DVL3: variants seen among roughly 807,000 people sequenced by gnomAD.
The protein encoded by DVL3 is segment polarity protein dishevelled homolog DVL-3.
Under a neutral mutation model 67.4 loss-of-function variants are expected in DVL3, and 27 were observed. The ratio of observed to expected loss-of-function variants is 0.40; its 90% CI spans 0.30 to 0.55. The LOEUF (loss-of-function observed/expected upper bound fraction) is 0.55. Among genes scored for constraint, DVL3 ranks in the 20% least tolerant of loss-of-function variants. The pLI, the probability that DVL3 is intolerant of heterozygous loss-of-function variation, is 0.46. For synonymous variants in DVL3, 369 were observed against 396.8 expected (o/e 0.93, Z 0.83); for missense variants, 819 against 1,021.5 (o/e 0.80, Z 2.70).
Position 184,166,334 on chromosome 3 carries a change from C to T in DVL3, c.903+69C>T. 1 of 1,606,578 alleles carries T rather than the reference C, an allele frequency of 6.2e-7. No homozygotes were observed. Among genetic ancestry groups the T allele is most frequent in the Non-Finnish European group, 8.5e-7 (1 of 1,175,162 alleles). On this transcript the variant is annotated intron_variant, in intron 8 of 14. Transcript: ENST00000313143. The surrounding 1 kb of genome is among the most constrained non-coding windows in gnomAD (Gnocchi z 6.7). ...GAGGTGTCCTACCATCTGTACCCTG[C>T]TCCTTCAGAGGCCCCTTCTTGGTTG...
At chr3:184,160,241 G>A (rs1164007003) in intron 1 of DVL3, among the ~76,000 whole-genome samples, 3 of 151,830 alleles carry the variant, frequency 2.0e-5, no homozygotes, top group African/African-American at 4.8e-5. Flanking sequence ...CTGAGCCACC[G>A]TGCCCTGCCA....
Position 184,170,187 on chromosome 3 carries a change from C to T in DVL3, c.1680C>T (p.Tyr560=), listed in dbSNP as rs746879137. 23 of 1,611,594 alleles carry T rather than the reference C, an allele frequency of 1.4e-5. No homozygotes were observed. The East Asian group carries it at 4.0e-4, about 28-fold the overall frequency. Reference sequence around the variant, plus strand: ...GCTTCCCGGAGCTGGGCTACAGCTACGGCGGGGGCAGCGCCAGCAGTCAGC... The same window carrying T: ...GCTTCCCGGAGCTGGGCTACAGCTATGGCGGGGGCAGCGCCAGCAGTCAGC... ...HPGFPELGYS[Y]GGGSASSQHS... The change falls in exon 14 of 15, where the codon TAC becomes TAT. Residue 560 remains tyrosine (Y), a synonymous_variant. Transcript: ENST00000313143. This position sits in a 1 kb window ranked among gnomAD's most constrained non-coding sequence, Gnocchi z 6.5.
At position 184,164,742 on chromosome 3, in the gene DVL3, C is replaced by T; in HGVS notation, c.464-54C>T. 1 of 1,611,972 alleles carries T rather than the reference C, an allele frequency of 6.2e-7. No individual in the cohort carries two copies. The highest frequency in any genetic ancestry group is 8.5e-7 in the Non-Finnish European group (1 of 1,178,544). ...CAGCCCCTGGCTTGCCTCTCTCCCT[C>T]CTTCACCCCTGCACTGGGCACTGTG... On this transcript the variant is annotated intron_variant, in intron 4 of 14. Transcript: ENST00000313143. This position sits in a 1 kb window ranked among gnomAD's most constrained non-coding sequence, Gnocchi z 5.3.
chr3:184,158,334 G>GAA (rs58854843), intron 1 of DVL3, among the ~76,000 whole-genome samples: 118 of 118,106 alleles, frequency 1.0e-3, no homozygotes, highest in Middle Eastern at 4.3e-3. Flanking sequence ...CCGTGTTTCA[G>GAA]AAAAAAAAAA....
chr3:184,158,931 A>G (rs1336387625), intron 1 of DVL3, among the ~76,000 whole-genome samples: 1 of 151,764 alleles, frequency 6.6e-6, no homozygotes, highest in East Asian at 1.9e-4. Context: ...ATGAGCCACC[A>G]TGCCTGGCTA....
chr3:184,157,209 A>T (rs1046330623), intron 1 of DVL3: 1 of 152,424 alleles, frequency 6.6e-6, no homozygotes, highest in Non-Finnish European at 1.5e-5. Flanking sequence ...GACACCTCTA[A>T]TTGGAAGATT....
In DVL3 at chr3:184,165,360, A is replaced by C; in HGVS notation, c.694-62A>C. ...GCACCGGGGACTCACCTTGAGGAGG[A>C]GTCAGGTGGGAGTGAATTCCTGCCA... is the stretch of plus-strand genomic sequence containing the variant. On this transcript the variant is annotated intron_variant, in intron 6 of 14. Coordinates refer to ENST00000313143, the MANE Select transcript of DVL3 (RefSeq NM_004423.4). The surrounding 1 kb of genome is among the most constrained non-coding windows in gnomAD (Gnocchi z 4.1). 1.3e-6 allele frequency: 2 copies of C among 1,571,134 alleles called. No homozygotes were observed. Among genetic ancestry groups the C allele is most frequent in the South Asian group, 2.2e-5 (2 of 89,638 alleles).
In DVL3 at chr3:184,170,756, G is replaced by T; in HGVS notation, c.*1G>T. Reference sequence around the variant, plus strand: ...TGAGTTCTTTGTGGATGTGATGTGAGCAGGGCCCCTCCCCCAGCTCCATTC... The same window carrying T: ...TGAGTTCTTTGTGGATGTGATGTGATCAGGGCCCCTCCCCCAGCTCCATTC... On this transcript the variant is annotated 3_prime_UTR_variant, in exon 15 of 15. Coordinates refer to ENST00000313143, the MANE Select transcript of DVL3 (RefSeq NM_004423.4). The surrounding 1 kb of genome is among the most constrained non-coding windows in gnomAD (Gnocchi z 6.5). 6.2e-7 allele frequency: 1 copy of T among 1,613,026 alleles called. No individual in the cohort carries two copies. Among genetic ancestry groups the T allele is most frequent in the Non-Finnish European group, 8.5e-7 (1 of 1,179,864 alleles).
chr3:184,156,408 A>C, intron 1 of DVL3: 1 of 456,722 alleles, frequency 2.2e-6, no homozygotes, highest in Non-Finnish European at 4.4e-6. Context: ...TCACCGGAAC[A>C]GAGAGCCTGA....
At chr3:184,156,433 T>C (rs1714192302) in intron 1 of DVL3, 1 of 456,688 alleles carries the variant, frequency 2.2e-6, no homozygotes, top group Non-Finnish European at 4.4e-6. Context: ...TGCGGAGTAG[T>C]CCTCACTGAC....
rs1577049285 is a variant in DVL3, at chr3:184,165,595, C to A, written c.763+104C>A. On this transcript the variant is annotated intron_variant, in intron 7 of 14. Coordinates refer to ENST00000313143, the MANE Select transcript of DVL3 (RefSeq NM_004423.4). The surrounding 1 kb of genome is among the most constrained non-coding windows in gnomAD (Gnocchi z 4.1). ...ATATGTTCCCTGCCCTCAAGGAGCT[C>A]TCTTTCGTAAACATCAGCTGATACA... is the stretch of plus-strand genomic sequence containing the variant. The A allele has an allele frequency of 1.0e-6, 1 of 1,000,708 alleles. No homozygotes were observed. The highest frequency in any genetic ancestry group is 2.0e-4 in the Middle Eastern group (1 of 4,942). The allele number at this position is 1,000,708 out of a possible 1,614,324, so 62.0% of individuals were successfully genotyped here.
chr3:184,171,683 C>A lies in DVL3; in HGVS notation c.*928C>A. The A allele has an allele frequency of 3.8e-6, 3 of 781,298 alleles. No individual in the cohort carries two copies. The highest frequency in any genetic ancestry group is 4.7e-6 in the Non-Finnish European group (3 of 642,978). The allele number at this position is 781,298 out of a possible 1,614,324, so 48.4% of individuals were successfully genotyped here. On this transcript the variant is annotated 3_prime_UTR_variant, in exon 15 of 15. Transcript: ENST00000313143. The stretch of plus-strand genomic sequence containing the variant: ...CTCAGGGCTTCCCAAGGATGTCCAG[C>A]CCCCACACCCACACGTTAACATAAT...
At position 184,166,371 on chromosome 3, in the gene DVL3, C is replaced by T. The variant is rs1714589906; in HGVS notation, c.904-75C>T. On this transcript the variant is annotated intron_variant, in intron 8 of 14. Coordinates refer to ENST00000313143, the MANE Select transcript of DVL3 (RefSeq NM_004423.4). This position sits in a 1 kb window ranked among gnomAD's most constrained non-coding sequence, Gnocchi z 6.7. Reference sequence around the variant, plus strand: ...CCCCTTCTTGGTTGGGGGAAGACTCCCTGACCTACCAAGTTGAGTTCCCTT... The same window carrying T: ...CCCCTTCTTGGTTGGGGGAAGACTCTCTGACCTACCAAGTTGAGTTCCCTT... 6.2e-7 allele frequency: 1 copy of T among 1,609,932 alleles called. No individual in the cohort carries two copies. The highest frequency in any genetic ancestry group is 1.3e-5 in the African/African-American group (1 of 74,966).
intron 1 of DVL3, among the ~76,000 whole-genome samples, chr3:184,162,138 C>T (rs1484013331): frequency 1.3e-5 from 2 of 151,392 alleles, no homozygotes; most frequent in African/African-American, 4.9e-5. Flanking sequence ...TAGCATAGTG[C>T]TTGGCCCATA....
chr3:184,170,015 A>G lies in DVL3; in HGVS notation c.1508A>G (p.Asn503Ser), dbSNP rs774295285. Residue 503 changes from asparagine to serine, a missense_variant, in exon 14 of 15, where the codon AAC becomes AGC. Asn to Ser is a conservative substitution (Grantham distance 46). Around this residue, in one of 3 missense-constraint regions of DVL3, gnomAD observed 324 missense variants for 331.3 expected, o/e 0.98. Coordinates refer to ENST00000313143, the MANE Select transcript of DVL3 (RefSeq NM_004423.4). The surrounding 1 kb of genome is among the most constrained non-coding windows in gnomAD (Gnocchi z 6.5). The stretch of plus-strand genomic sequence containing the variant: ...GCCCTCCCCTTCACAGACATGGCCA[A>G]CCTGTCTCTCCACGATCACGATGGC... ...IFGDLCGNMA[N>S]LSLHDHDGSS... 6.8e-6 allele frequency: 11 copies of G among 1,606,020 alleles called. No individual in the cohort carries two copies. Among genetic ancestry groups the G allele is most frequent in the South Asian group, 5.5e-5 (5 of 90,442 alleles).
intron 1 of DVL3, among the ~76,000 whole-genome samples, chr3:184,159,390 G>GTTTTTTTTT: frequency 1.1e-5 from 1 of 93,668 alleles, no homozygotes; most frequent in Non-Finnish European, 2.3e-5. Context: ...TTGAGATGGA[G>GTTTTTTTTT]CCTGGCTTTG....
Position 184,170,316 on chromosome 3 carries a change from C to T in DVL3, c.1715-3C>T. The T allele has an allele frequency of 3.1e-6, 5 of 1,598,650 alleles. No homozygotes were observed. In the South Asian group the frequency reaches 5.6e-5, roughly 18 times the overall value. On this transcript the variant is annotated splice_polypyrimidine_tract_variant and splice_region_variant and intron_variant, in intron 14 of 14. Coordinates refer to ENST00000313143, the MANE Select transcript of DVL3 (RefSeq NM_004423.4). This position sits in a 1 kb window ranked among gnomAD's most constrained non-coding sequence, Gnocchi z 6.5. Reference sequence around the variant, plus strand: ...CCACCCCGGCCCTGTTTGCCTCCTACAGGCAGTCGGAGCAGTGGCTCCAAC... The same window carrying T: ...CCACCCCGGCCCTGTTTGCCTCCTATAGGCAGTCGGAGCAGTGGCTCCAAC...
rs756254669 is a variant in DVL3, at chr3:184,168,028, C to T, written c.1461C>T (p.Ser487=). 2.4e-5 allele frequency: 39 copies of T among 1,614,148 alleles called. No homozygotes were observed. Among genetic ancestry groups the T allele is most frequent in the South Asian group, 2.4e-4 (22 of 91,096 alleles). The change falls in exon 13 of 15, where the codon TCC becomes TCT. Residue 487 remains serine (S), a synonymous_variant. Transcript: ENST00000313143. The stretch of plus-strand genomic sequence containing the variant: ...ATACCGTCAACAAGATCACCTTCTC[C>T]GAGCAGTGCTACTACATCTTCGGTG... ...IRHTVNKITF[S]EQCYYIFGDL... is the part of the protein sequence containing the mutation.
chr3:184,156,587 C>CTT, intron 1 of DVL3: 1 of 407,818 alleles, frequency 2.5e-6, no homozygotes, highest in Non-Finnish European at 4.9e-6. Flanking sequence ...CTGGTGGGGT[C>CTT]TTCCCTTCCA....
Sources: allele counts gnomAD v4.1 joint callset (sites outside exome capture counted in the v4.1 genomes callset), GRCh38; gene constraint gnomAD v4.1.1; regional missense constraint gnomAD v4.1.1; non-coding constraint Gnocchi (gnomAD v3.1); transcripts MANE v1.5; gene names NCBI Gene and HGNC (gene_info 2026-07-23, HGNC 2026-07-21).